CRNKL1: variants seen among roughly 807,000 people sequenced by gnomAD.
CRNKL1 encodes the protein crooked neck pre-mRNA splicing factor 1, also known as crooked neck-like protein 1.
Under a neutral mutation model 103.7 loss-of-function variants are expected in CRNKL1, and 35 were observed. The ratio of observed to expected loss-of-function variants is 0.34; its 90% CI spans 0.26 to 0.45. CRNKL1 has a LOEUF of 0.45. Ranked by LOEUF, CRNKL1 falls within the 20% of genes least tolerant of loss-of-function variation. The pLI is 1.00. For missense variants in CRNKL1, 645 were observed against 836.0 expected, an observed-to-expected ratio of 0.77 and a Z score of 2.82; for synonymous variants, 267 against 282.6, an observed-to-expected ratio of 0.94 and a Z score of 0.55.
chr20:20,036,751 C>T (rs1448379274), intron 13 of CRNKL1, among the ~76,000 whole-genome samples: 35 of 152,214 alleles, frequency 2.3e-4, no homozygotes, highest in Admixed American at 2.3e-3. Flanking sequence ...CCATCCTCAC[C>T]TCCTATCAGT....
Position 20,035,439 on chromosome 20 carries a change from T to G in CRNKL1, c.*756A>C, listed in dbSNP as rs2043404602. On this transcript the variant is annotated 3_prime_UTR_variant, in exon 14 of 14. Transcript: ENST00000536226. ...ATTCTTTAAACAAGGTATTACAAAC[T>G]CAACCACTCTGGAGAACTGATGAGC... 6.6e-6 allele frequency: 1 copy of G among 152,196 alleles called. No individual in the cohort carries two copies. Among genetic ancestry groups the G allele is most frequent in the South Asian group, 2.1e-4 (1 of 4,830 alleles). 9.4% of individuals were successfully genotyped at this position (152,196 alleles called of 1,614,324 possible).
intron 6 of CRNKL1, 27 bp downstream of exon 6, chr20:20,045,281 C>T (rs1315133926): frequency 2.0e-5 from 31 of 1,556,164 alleles, no homozygotes; most frequent in Non-Finnish European, 2.5e-5. Context: ...AGCTGTTTTA[C>T]AGTATAATGA....
chr20:20,037,661 CA>C, intron 12 of CRNKL1, 90 bp from the exon 13 acceptor site: 1 of 1,266,618 alleles, frequency 7.9e-7, no homozygotes, highest in East Asian at 2.4e-5. Context: ...CAGTTAATGA[CA>C]TCGGAAAGTA....
upstream of CRNKL1, among the ~76,000 whole-genome samples, chr20:20,053,643 T>C (rs1374404389): frequency 6.6e-6 from 1 of 152,224 alleles, no homozygotes; most frequent in Non-Finnish European, 1.5e-5. Flanking sequence ...ACAAAAGATT[T>C]ATGCAGATTT....
chr20:20,054,561 G>T (rs1338101483), upstream of CRNKL1, among the ~76,000 whole-genome samples: 1 of 152,142 alleles, frequency 6.6e-6, no homozygotes, highest in Non-Finnish European at 1.5e-5. Context: ...AAAATTTTGT[G>T]GGAATACATT....
chr20:20,042,891 CAATT>C (rs746629367), intron 7 of CRNKL1, among the ~76,000 whole-genome samples: 9 of 152,202 alleles, frequency 5.9e-5, no homozygotes, highest in African/African-American at 9.7e-5. Flanking sequence ...CTTGCCTTTC[CAATT>C]AATAGCAATT....
intron 1 of CRNKL1, among the ~76,000 whole-genome samples, chr20:20,051,542 G>A (rs750501646): frequency 2.6e-5 from 4 of 152,174 alleles, no homozygotes; most frequent in Non-Finnish European, 5.9e-5. Context: ...TATTTAATAA[G>A]CACTAAGTGC....
chr20:20,053,736 A>G (rs1403002502), upstream of CRNKL1, among the ~76,000 whole-genome samples: 2 of 152,180 alleles, frequency 1.3e-5, no homozygotes, highest in African/African-American at 4.8e-5. Flanking sequence ...ATTTTATCTC[A>G]CTTTTCAAAA....
chr20:20,042,434 A>G lies in CRNKL1; in HGVS notation c.1055T>C (p.Val352Ala). The G allele has an allele frequency of 1.2e-6, 2 of 1,614,126 alleles. No homozygotes were observed. The highest frequency in any genetic ancestry group is 1.7e-6 in the Non-Finnish European group (2 of 1,179,992). The change falls in exon 8 of 14, where the codon GTC (valine) becomes GCC (alanine). Residue 352 changes from valine (V) to alanine (A), a missense_variant. Physicochemically the swap from Val to Ala is moderately conservative, Grantham distance 64. Transcript: ENST00000536226. ...GACATTGGCAATGGCCCTTTCATAGACTTCTCTCACGGCTTCAGCTTCTGC... is the reference window on the plus strand; with the variant it reads ...GACATTGGCAATGGCCCTTTCATAGGCTTCTCTCACGGCTTCAGCTTCTGC... ...SDAEAEAVRE[V>A]YERAIANVPP...
chr20:20,048,229 CTG>C (rs2043625796), intron 4 of CRNKL1, 112 bp downstream of exon 4: 1 of 1,224,604 alleles, frequency 8.2e-7, no homozygotes, highest in African/African-American at 1.5e-5. Context: ...GCATTTATGT[CTG>C]AAGAAAAAGT....
upstream of CRNKL1, among the ~76,000 whole-genome samples, chr20:20,054,112 C>T (rs929489489): frequency 1.4e-5 from 2 of 148,072 alleles, no homozygotes; most frequent in Admixed American, 6.8e-5. Flanking sequence ...CTTCTTATTT[C>T]CCAGCATTTA....
At chr20:20,052,870 C>T, upstream of CRNKL1, 1 of 733,086 alleles carries the variant, frequency 1.4e-6, no homozygotes, top group Non-Finnish European at 2.2e-6. Flanking sequence ...TTCTAGTAGT[C>T]TCTGGGTCCA....
In CRNKL1 at chr20:20,036,031, A is replaced by T; in HGVS notation, c.*164T>A. ...AAAAAGTCCTTTACTTGCAATCCCT[A>T]CCCCTAGCTAACCCAAGAGCATTTA... On this transcript the variant is annotated 3_prime_UTR_variant, in exon 14 of 14. Transcript: ENST00000536226. 1.4e-6 allele frequency: 1 copy of T among 710,386 alleles called. No homozygotes were observed. The highest frequency in any genetic ancestry group is 1.8e-5 in the African/African-American group (1 of 55,704). 44.0% of individuals were successfully genotyped at this position (710,386 alleles called of 1,614,324 possible).
At chr20:20,043,204 C>T (rs1369451677) in intron 7 of CRNKL1, among the ~76,000 whole-genome samples, 1 of 152,122 alleles carries the variant, frequency 6.6e-6, no homozygotes, top group African/African-American at 2.4e-5. Context: ...ACAATGAGCT[C>T]GAATGGATTC....
intron 1 of CRNKL1, among the ~76,000 whole-genome samples, chr20:20,051,402 A>C (rs1285379146): frequency 6.6e-6 from 1 of 152,240 alleles, no homozygotes; most frequent in African/African-American, 2.4e-5. Flanking sequence ...AGAAAATTTA[A>C]AATTTCATAT....
At chr20:20,045,659 A>G (rs1199760891) in intron 5 of CRNKL1, among the ~76,000 whole-genome samples, 173 bp from the exon 6 acceptor site, 3 of 152,212 alleles carry the variant, frequency 2.0e-5, no homozygotes, top group Admixed American at 2.0e-4. Flanking sequence ...CTGTGAGAGC[A>G]GGGCCACGCC....
At chr20:20,046,817 T>C (rs2043601137) in intron 5 of CRNKL1, among the ~76,000 whole-genome samples, 1 of 152,228 alleles carries the variant, frequency 6.6e-6, no homozygotes, top group Non-Finnish European at 1.5e-5. Flanking sequence ...AAGCCTCACC[T>C]TGTTGGACTT....
At position 20,037,554 on chromosome 20, in the gene CRNKL1, A is replaced by T. The variant is rs764564788; in HGVS notation, c.1665T>A (p.Ala555=). ...TQHVKVWISF[A]QFELSSGKEG... Reference sequence around the variant, plus strand: ...CTTTTCCTGAAGACAACTCAAACTGAGCAAAGCTGATCCATACCTTTAAAA... The same window carrying T: ...CTTTTCCTGAAGACAACTCAAACTGTGCAAAGCTGATCCATACCTTTAAAA... The change falls in exon 13 of 14, where the codon GCT becomes GCA. Residue 555 remains alanine (A), a synonymous_variant. Coordinates refer to ENST00000536226, the MANE Select transcript of CRNKL1 (RefSeq NM_001278628.2). 4 of 1,614,018 alleles carry T rather than the reference A, an allele frequency of 2.5e-6. No individual in the cohort carries two copies. The East Asian group carries it at 8.9e-5, about 36-fold the overall frequency.
Position 20,047,748 on chromosome 20 carries a change from T to C in CRNKL1, c.622+17A>G. On this transcript the variant is annotated intron_variant, in intron 5 of 13. Coordinates refer to ENST00000536226, the MANE Select transcript of CRNKL1 (RefSeq NM_001278628.2). ...CAGGACAATCATGGCACCATACAGA[T>C]CTCGTCCAAAGGATATATCGCTCAT... 6.2e-7 allele frequency: 1 copy of C among 1,610,574 alleles called. No homozygotes were observed. The highest frequency in any genetic ancestry group is 8.5e-7 in the Non-Finnish European group (1 of 1,177,230).
Sources: allele counts gnomAD v4.1 joint callset (sites outside exome capture counted in the v4.1 genomes callset), GRCh38; gene constraint gnomAD v4.1.1; transcripts MANE v1.5; gene names NCBI Gene and HGNC (gene_info 2026-07-23, HGNC 2026-07-21).